Variants in PILRA observed in about 807,000 individuals in gnomAD.
PILRA encodes paired immunoglobulin-like type 2 receptor alpha.
In PILRA, 37 loss-of-function variants were observed where a neutral mutation model predicts 33.1. That is an observed-to-expected ratio of 1.12 (90% CI 0.86 to 1.47). The LOEUF (loss-of-function observed/expected upper bound fraction) is 1.47. Ranked by LOEUF, PILRA falls within the 40% of genes most tolerant of loss-of-function variation. The probability of loss-of-function intolerance (pLI) is 0.00; values close to 1 mark genes in which losing one functional copy is unlikely to be tolerated. For missense variants in PILRA, 312 were observed against 376.2 expected, an observed-to-expected ratio of 0.83 and a Z score of 1.41; for synonymous variants, 146 against 149.9, an observed-to-expected ratio of 0.97 and a Z score of 0.19.
intron 2 of PILRA, chr7:100,375,995 AAGGGGGTGCATTGTCTGT>A: frequency 6.6e-6 from 1 of 152,178 alleles, no homozygotes. Flanking sequence ...CCCAGGCAGG[AAGGGGGTGCATTGTCTGT>A]AGAAAATGTT....
intron 2 of PILRA, among the ~76,000 whole-genome samples, chr7:100,379,572 G>A (rs1486341578): frequency 6.6e-6 from 1 of 150,940 alleles, no homozygotes; most frequent in Non-Finnish European, 1.5e-5. Flanking sequence ...GGAGGCTGAG[G>A]CAGAAGAATC....
chr7:100,391,775 TG>T (rs1209115938), intron 3 of PILRA, among the ~76,000 whole-genome samples: 2 of 152,206 alleles, frequency 1.3e-5, no homozygotes, highest in Non-Finnish European at 2.9e-5. Flanking sequence ...TGGATGAGGC[TG>T]TAATGAAATC....
At chr7:100,389,810 A>G (rs929685418) in intron 2 of PILRA, 78 bp from the exon 3 acceptor site, 1 of 1,223,620 alleles carries the variant, frequency 8.2e-7, no homozygotes, top group Non-Finnish European at 1.2e-6. Flanking sequence ...CCCAACCTAG[A>G]AAGCAGCACA....
At chr7:100,396,626 T>C (rs1791497913) in intron 3 of PILRA, among the ~76,000 whole-genome samples, 2 of 152,152 alleles carry the variant, frequency 1.3e-5, no homozygotes, top group Non-Finnish European at 2.9e-5. Flanking sequence ...CACTCCAGCC[T>C]GGGTGACAAG....
intron 3 of PILRA, 108 bp from the exon 4 acceptor site, chr7:100,397,771 G>A: frequency 1.7e-6 from 2 of 1,190,152 alleles, no homozygotes. Context: ...CAGCTCTGCT[G>A]CTCCGGTCCC....
At chr7:100,397,161 G>A (rs1791515406) in intron 3 of PILRA, among the ~76,000 whole-genome samples, 1 of 151,636 alleles carries the variant, frequency 6.6e-6, no homozygotes, top group East Asian at 1.9e-4. Context: ...GAAGTGGAAG[G>A]GGAGGTCCCT....
chr7:100,386,777 C>A (rs536108985), intron 2 of PILRA, among the ~76,000 whole-genome samples: 1 of 151,842 alleles, frequency 6.6e-6, no homozygotes, highest in South Asian at 2.1e-4. Flanking sequence ...GATCTGCCCA[C>A]CTCGGCCTCC....
At chr7:100,381,043 G>A (rs1791080450) in intron 2 of PILRA, among the ~76,000 whole-genome samples, 1 of 151,956 alleles carries the variant, frequency 6.6e-6, no homozygotes, top group Non-Finnish European at 1.5e-5. Flanking sequence ...GAGGCGGGTG[G>A]ATCACGAGGT....
intron 3 of PILRA, among the ~76,000 whole-genome samples, chr7:100,392,917 T>G (rs1441403736): frequency 2.0e-5 from 3 of 152,124 alleles, no homozygotes; most frequent in Non-Finnish European, 4.4e-5. Context: ...GAAGAAAATG[T>G]GAGATTATTT....
chr7:100,382,654 G>C (rs555408558), intron 2 of PILRA, among the ~76,000 whole-genome samples: 1 of 152,284 alleles, frequency 6.6e-6, no homozygotes, highest in South Asian at 2.1e-4. Flanking sequence ...AAAGCAGGCT[G>C]CCCCCCTGAG....
rs190071731 is a variant in PILRA at position 100,399,244 on chromosome 7, A to C, written c.708-47A>C. 7,126 of 1,482,614 alleles carry C rather than the reference A, an allele frequency of 4.8e-3. 21 individuals carry two copies. Among genetic ancestry groups the C allele is most frequent in the Non-Finnish European group, 6.1e-3 (6,539 of 1,070,498 alleles). The allele number at this position is 1,482,614 out of a possible 1,614,324, so 91.8% of individuals were successfully genotyped here. On this transcript the variant is annotated intron_variant, in intron 4 of 6. Coordinates refer to ENST00000198536, the MANE Select transcript of PILRA (RefSeq NM_013439.3). Reference sequence around the variant, plus strand: ...GTGCCACCACCCAGCCCATGTCTTAAAATGCCCAACCTCTAACATATTTCC... The same window carrying C: ...GTGCCACCACCCAGCCCATGTCTTACAATGCCCAACCTCTAACATATTTCC...
Position 100,390,054 on chromosome 7 carries a change from C to A in PILRA, c.621C>A (p.Leu207=). Residue 207 remains leucine, a synonymous_variant, in exon 3 of 7, where the codon CTC becomes CTA. Coordinates refer to ENST00000198536, the MANE Select transcript of PILRA (RefSeq NM_013439.3). ...GGGTGGCAGTGGCTGTCACTGTGCTCGGAATCATGATTTTGGGACTGATCT... is the reference window on the plus strand; with the variant it reads ...GGGTGGCAGTGGCTGTCACTGTGCTAGGAATCATGATTTTGGGACTGATCT... ...AVGVAVAVTV[L]GIMILGLICL... is the part of the protein sequence containing the mutation. The A allele has an allele frequency of 1.2e-6, 2 of 1,614,046 alleles. No homozygotes were observed. The highest frequency in any genetic ancestry group is 1.6e-4 in the Middle Eastern group (1 of 6,062).
chr7:100,385,874 C>A (rs1379959594), intron 2 of PILRA, among the ~76,000 whole-genome samples: 4 of 152,048 alleles, frequency 2.6e-5, no homozygotes, highest in African/African-American at 7.2e-5. Context: ...AGTGACCCAC[C>A]CACCTCAGCC....
At chr7:100,396,469 G>A (rs981517900) in intron 3 of PILRA, among the ~76,000 whole-genome samples, 5 of 152,016 alleles carry the variant, frequency 3.3e-5, no homozygotes, top group African/African-American at 7.3e-5. Flanking sequence ...CATGACCAAC[G>A]TGGTGAAACC....
At chr7:100,386,666 G>A (rs374103333) in intron 2 of PILRA, among the ~76,000 whole-genome samples, 8 of 151,800 alleles carry the variant, frequency 5.3e-5, no homozygotes, top group East Asian at 1.9e-4. Flanking sequence ...ATAGGCATGT[G>A]CCACCACACC....
intron 2 of PILRA, among the ~76,000 whole-genome samples, chr7:100,382,058 G>T (rs1729997229): frequency 6.8e-6 from 1 of 146,294 alleles, no homozygotes. Context: ...TCCACGAGGA[G>T]CGCCGCCCCC....
In PILRA at chr7:100,399,611, A is replaced by T; in HGVS notation, c.788A>T (p.Lys263Met). The change falls in exon 6 of 7, where the codon AAG becomes ATG. Residue 263 changes from lysine (K) to methionine (M), a missense_variant and splice_region_variant. Lys to Met is a moderately conservative substitution (Grantham distance 95, BLOSUM62 -1). Transcript: ENST00000198536. ...AATACAGATCCCAAGCTAAATCCCA[A>T]GGTAAGCAATCAGACCAGGGCCTGA... ...GQNTDPKLNP[K>M]DDGIVYASLA... 1 of 1,614,118 alleles carries T rather than the reference A, an allele frequency of 6.2e-7. No individual in the cohort carries two copies. Among genetic ancestry groups the T allele is most frequent in the Non-Finnish European group, 8.5e-7 (1 of 1,179,998 alleles).
intron 3 of PILRA, 106 bp from the exon 4 acceptor site, chr7:100,397,763 GCTCTGCTGCT>G: frequency 9.3e-7 from 1 of 1,078,150 alleles, no homozygotes; most frequent in Non-Finnish European, 1.4e-6. Flanking sequence ...GGGTGGAGCA[GCTCTGCTGCT>G]CCGGTCCCTC....
intron 2 of PILRA, among the ~76,000 whole-genome samples, chr7:100,386,811 G>A (rs1343614426): frequency 1.3e-5 from 2 of 151,332 alleles, no homozygotes; most frequent in Non-Finnish European, 2.9e-5. Flanking sequence ...TTACAGGCAT[G>A]AGCCACAGTG....
Sources: gnomAD v4.1 joint callset for allele counts (sites outside exome capture counted in the v4.1 genomes callset) on GRCh38, gnomAD v4.1.1 for gene constraint, MANE v1.5 for transcripts, NCBI Gene and HGNC (gene_info 2026-07-23, HGNC 2026-07-21) for gene names.